Variants in CDH13 observed in about 807,000 individuals in gnomAD.
CDH13 encodes the protein cadherin 13, also known as cadherin-13.
Under a neutral mutation model 63.8 loss-of-function variants are expected in CDH13, and 24 were observed. The observed-to-expected ratio is 0.38, with a 90% confidence interval of 0.27 to 0.53. The LOEUF (loss-of-function observed/expected upper bound fraction) is 0.53. CDH13 is among the 20% of genes least tolerant of loss of function. CDH13 has a pLI of 0.85. For missense variants in CDH13, 1,049 were observed against 903.1 expected, an observed-to-expected ratio of 1.16 and a Z score of -2.07; for synonymous variants, 503 against 355.3, an observed-to-expected ratio of 1.42 and a Z score of -4.67.
chr16:83,260,454 G>A (rs916859932), intron 5 of CDH13, among the ~76,000 whole-genome samples: 38 of 150,860 alleles, frequency 2.5e-4, no homozygotes, highest in Admixed American at 2.1e-3. Flanking sequence ...GTTCTGCGTG[G>A]CGCAGCCATC....
intron 1 of CDH13, among the ~76,000 whole-genome samples, chr16:82,850,868 A>C (rs2039453128): frequency 6.6e-6 from 1 of 152,230 alleles, no homozygotes; most frequent in Admixed American, 6.5e-5. Context: ...TTTTAAATTA[A>C]GGTATGTACA....
At chr16:82,983,351 C>A (rs996500751) in intron 2 of CDH13, among the ~76,000 whole-genome samples, 1 of 151,740 alleles carries the variant, frequency 6.6e-6, no homozygotes, top group African/African-American at 2.4e-5. Context: ...CGGCTGTTTC[C>A]CCTAATATAA....
At chr16:82,726,650 C>T (rs1321104358) in intron 1 of CDH13, among the ~76,000 whole-genome samples, 1 of 152,218 alleles carries the variant, frequency 6.6e-6, no homozygotes, top group Non-Finnish European at 1.5e-5. Flanking sequence ...GTCAGTGCCT[C>T]AGTCTCCTCT....
At chr16:83,289,366 G>A (rs747592213) in intron 5 of CDH13, among the ~76,000 whole-genome samples, 1 of 152,138 alleles carries the variant, frequency 6.6e-6, no homozygotes, top group Non-Finnish European at 1.5e-5. Flanking sequence ...GCGGTGTGTG[G>A]TAACTGTGGG....
At chr16:83,626,803 A>G (rs1191643640) in intron 8 of CDH13, among the ~76,000 whole-genome samples, 1 of 152,108 alleles carries the variant, frequency 6.6e-6, no homozygotes, top group Non-Finnish European at 1.5e-5. Flanking sequence ...TACTGAATTT[A>G]GTCCTGAATC....
chr16:82,776,096 G>C (rs1329573178), intron 1 of CDH13, among the ~76,000 whole-genome samples: 1 of 152,130 alleles, frequency 6.6e-6, no homozygotes, highest in Non-Finnish European at 1.5e-5. Flanking sequence ...TATAATCCCA[G>C]CTACTTGGGT....
At chr16:83,706,274 G>T (rs1907036231) in intron 10 of CDH13, among the ~76,000 whole-genome samples, 1 of 152,106 alleles carries the variant, frequency 6.6e-6, no homozygotes, top group Admixed American at 6.5e-5. Flanking sequence ...AGCTTGCAGT[G>T]GTTTCTCTTT....
intron 2 of CDH13, among the ~76,000 whole-genome samples, chr16:82,961,119 G>A (rs555042508): frequency 1.1e-4 from 16 of 152,236 alleles, no homozygotes; most frequent in South Asian, 6.2e-4. Context: ...CTGAGCTGGC[G>A]CCAGCACGGA....
chr16:83,105,079 C>T (rs2034698958), intron 3 of CDH13, among the ~76,000 whole-genome samples: 1 of 152,056 alleles, frequency 6.6e-6, no homozygotes, highest in Non-Finnish European at 1.5e-5. Context: ...AAACGTGTGC[C>T]ATGGCGGTTT....
chr16:83,503,535 A>C (rs2074331210), intron 7 of CDH13, among the ~76,000 whole-genome samples: 1 of 152,130 alleles, frequency 6.6e-6, no homozygotes, highest in African/African-American at 2.4e-5. Context: ...GCCACTCAGC[A>C]ATCAGAAACC....
intron 1 of CDH13, among the ~76,000 whole-genome samples, chr16:82,794,598 G>C (rs2036489546): frequency 1.3e-5 from 2 of 151,972 alleles, no homozygotes; most frequent in Non-Finnish European, 1.5e-5. Context: ...GAAAATATTT[G>C]ACGACAACGG....
intron 4 of CDH13, among the ~76,000 whole-genome samples, chr16:83,129,011 T>C (rs2035933949): frequency 6.6e-6 from 1 of 152,254 alleles, no homozygotes; most frequent in Non-Finnish European, 1.5e-5. Context: ...TTTTATGCCT[T>C]TGAAGGTACG....
chr16:82,879,815 TTATAAA>T (rs1229105353), intron 2 of CDH13, among the ~76,000 whole-genome samples: 1 of 130,910 alleles, frequency 7.6e-6, no homozygotes, highest in Non-Finnish European at 1.5e-5. Context: ...ATTATATAAT[TTATAAA>T]TATATATAAA....
intron 5 of CDH13, among the ~76,000 whole-genome samples, chr16:83,247,875 A>G (rs1905121857): frequency 6.6e-6 from 1 of 152,316 alleles, no homozygotes; most frequent in East Asian, 1.9e-4. Flanking sequence ...CTTCCAAAGG[A>G]CAGATGATTC....
chr16:83,319,736 A>G (rs2090181212), intron 5 of CDH13, among the ~76,000 whole-genome samples: 1 of 152,228 alleles, frequency 6.6e-6, no homozygotes, highest in African/African-American at 2.4e-5. Flanking sequence ...GGTGAGGAAG[A>G]CAGGTGACAA....
intron 7 of CDH13, among the ~76,000 whole-genome samples, chr16:83,512,095 G>A (rs555699391): frequency 6.6e-6 from 1 of 151,972 alleles, no homozygotes; most frequent in Non-Finnish European, 1.5e-5. Context: ...GCCGAGGCGG[G>A]CGGATCACGA....
chr16:83,404,638 A>G (rs1222179422), intron 6 of CDH13, among the ~76,000 whole-genome samples: 1 of 152,192 alleles, frequency 6.6e-6, no homozygotes, highest in Non-Finnish European at 1.5e-5. Context: ...CACACACCAA[A>G]TATTTCAAAG....
chr16:83,179,311 C>A (rs925299643), intron 4 of CDH13, among the ~76,000 whole-genome samples: 94 of 151,988 alleles, frequency 6.2e-4, no homozygotes, highest in African/African-American at 2.2e-3. Flanking sequence ...ATCTCTCAAC[C>A]CTATCAGGCA....
chr16:83,442,723 G>C (rs1366687390), intron 6 of CDH13, among the ~76,000 whole-genome samples: 1 of 152,172 alleles, frequency 6.6e-6, no homozygotes, highest in Non-Finnish European at 1.5e-5. Flanking sequence ...TAACTTCATT[G>C]GGAACAGTGA....
Sources: allele counts gnomAD v4.1 joint callset (sites outside exome capture counted in the v4.1 genomes callset), GRCh38; gene constraint gnomAD v4.1.1; transcripts MANE v1.5; gene names NCBI Gene and HGNC (gene_info 2026-07-23, HGNC 2026-07-21).